MEGF11: variants seen among roughly 807,000 people sequenced by gnomAD.
The protein encoded by MEGF11 is multiple EGF like domains 11, also known as multiple epidermal growth factor-like domains protein 11.
A neutral mutation model predicts 146.6 loss-of-function variants in MEGF11; 126 were observed. The observed-to-expected ratio is 0.86, with a 90% CI of 0.74 to 1.00. MEGF11 has a LOEUF of 1.00. Ranked by LOEUF, MEGF11 falls within the 50% of genes least tolerant of loss-of-function variation. The pLI is 0.00. For missense variants in MEGF11, 1,509 were observed against 1,521.2 expected (o/e 0.99, Z 0.13); for synonymous variants, 532 against 583.4 (o/e 0.91, Z 1.27).
At chr15:65,914,899 A>G (rs933785934) in intron 19 of MEGF11, among the ~76,000 whole-genome samples, 1 of 152,196 alleles carries the variant, frequency 6.6e-6, no homozygotes, top group Non-Finnish European at 1.5e-5. Context: ...CTTATGGGCC[A>G]GGCACCCCGC....
intron 5 of MEGF11, among the ~76,000 whole-genome samples, chr15:66,066,216 G>C (rs1272529081): frequency 2.0e-5 from 3 of 152,152 alleles, no homozygotes; most frequent in African/African-American, 4.8e-5. Context: ...ATTTCCCTGA[G>C]GGCAGCAGCA....
At chr15:66,130,966 G>A (rs756647778) in intron 1 of MEGF11, among the ~76,000 whole-genome samples, 4 of 152,150 alleles carry the variant, frequency 2.6e-5, no homozygotes, top group African/African-American at 7.2e-5. Flanking sequence ...GAGTGACAGA[G>A]GTTAACATAT....
intron 15 of MEGF11, among the ~76,000 whole-genome samples, chr15:65,919,577 G>A (rs2079110610): frequency 6.6e-6 from 1 of 152,204 alleles, no homozygotes; most frequent in South Asian, 2.1e-4. Flanking sequence ...GTGTACACGT[G>A]GTGTTGGAAA....
At chr15:66,109,263 C>A (rs886650498) in intron 4 of MEGF11, among the ~76,000 whole-genome samples, 1 of 152,148 alleles carries the variant, frequency 6.6e-6, no homozygotes, top group African/African-American at 2.4e-5. Flanking sequence ...CTGCTGCCCC[C>A]AGAGCAACCA....
At chr15:66,033,359 T>C (rs35270975) in intron 5 of MEGF11, among the ~76,000 whole-genome samples, 4,560 of 152,236 alleles carry the variant, frequency 0.03, 80 homozygotes, top group East Asian at 0.039. Flanking sequence ...CAGGGTGCCC[T>C]CCACAGGCTC....
At chr15:66,051,324 A>G (rs1313223179) in intron 5 of MEGF11, among the ~76,000 whole-genome samples, 1 of 152,072 alleles carries the variant, frequency 6.6e-6, no homozygotes, top group Non-Finnish European at 1.5e-5. Context: ...CATTGCTTCC[A>G]TTTTCCATGC....
intron 19 of MEGF11, 135 bp from the exon 20 acceptor site, chr15:65,914,108 C>T: frequency 1.5e-6 from 1 of 658,776 alleles, no homozygotes; most frequent in Non-Finnish European, 2.6e-6. Flanking sequence ...TCCTGAGTCC[C>T]TATGTGACTA....
At chr15:65,907,276 T>C (rs2078657731) in intron 23 of MEGF11, among the ~76,000 whole-genome samples, 1 of 151,940 alleles carries the variant, frequency 6.6e-6, no homozygotes, top group African/African-American at 2.4e-5. Context: ...CAAGTTTTTC[T>C]TTTAAGTTTG....
intron 1 of MEGF11, among the ~76,000 whole-genome samples, chr15:66,175,748 C>T (rs1020787267): frequency 2.6e-5 from 4 of 152,134 alleles, no homozygotes; most frequent in Admixed American, 6.5e-5. Flanking sequence ...AATACTGCAG[C>T]ATATTGATCT....
At chr15:66,189,638 G>A (rs1243794147) in intron 1 of MEGF11, among the ~76,000 whole-genome samples, 1 of 152,162 alleles carries the variant, frequency 6.6e-6, no homozygotes, top group Admixed American at 6.5e-5. Flanking sequence ...TGCCTCTGCT[G>A]CTTCCCTGCT....
chr15:65,989,215 G>A (rs1260354999), intron 5 of MEGF11, among the ~76,000 whole-genome samples: 1 of 152,148 alleles, frequency 6.6e-6, no homozygotes, highest in Non-Finnish European at 1.5e-5. Context: ...TGGGAGAGAA[G>A]GTTAGTCCTT....
Position 66,128,312 on chromosome 15 carries a change from C to T in MEGF11, c.92G>A (p.Trp31Ter). ...NPEDPNVCSHWESYAVTVQES... is the reference protein window; with the variant it reads ...NPEDPNVCSH ...TCTGAGGCCCACACCTTACCTCTCC[C>T]AGTGGCTGCACACGTTGGGGTCCTC... Residue 31 changes from tryptophan to a stop codon, truncating the protein, a stop_gained, in exon 2 of 26, where the codon TGG becomes TAG. Transcript: ENST00000395614. LOFTEE classifies it high-confidence loss of function. 4 of 1,510,636 alleles carry T rather than the reference C, an allele frequency of 2.6e-6. No individual in the cohort carries two copies. The highest frequency in any genetic ancestry group is 3.5e-6 in the Non-Finnish European group (4 of 1,128,136). The allele number at this position is 1,510,636 out of a possible 1,614,324, so 93.6% of individuals were successfully genotyped here.
Position 65,897,193 on chromosome 15 carries a change from T to C in MEGF11, c.*741A>G, listed in dbSNP as rs939319086. 1 of 152,220 alleles carries C rather than the reference T, an allele frequency of 6.6e-6. No homozygotes were observed. Among genetic ancestry groups the C allele is most frequent in the Non-Finnish European group, 1.5e-5 (1 of 68,036 alleles). The allele number at this position is 152,220 out of a possible 1,614,324, so 9.4% of individuals were successfully genotyped here. ...GACTAACTTGTAATGTCCTTGAACT[T>C]TGAATTGGCAAAATTTGATAAAGCT... On this transcript the variant is annotated 3_prime_UTR_variant, in exon 26 of 26. Transcript: ENST00000395614.
intron 16 of MEGF11, 62 bp downstream of exon 16, chr15:65,917,904 A>G (rs909873124): frequency 1.8e-5 from 29 of 1,608,760 alleles, no homozygotes; most frequent in Middle Eastern, 1.6e-4. Context: ...GTTTTGGGCA[A>G]CAAAGGGAGA....
At chr15:66,223,250 T>C (rs560413854) in intron 1 of MEGF11, among the ~76,000 whole-genome samples, 2 of 152,210 alleles carry the variant, frequency 1.3e-5, no homozygotes, top group East Asian at 3.9e-4. Context: ...AAAGACCACA[T>C]ATTGTATGAT....
chr15:66,059,261 C>T (rs2084804111), intron 5 of MEGF11, among the ~76,000 whole-genome samples: 1 of 152,234 alleles, frequency 6.6e-6, no homozygotes, highest in South Asian at 2.1e-4. Context: ...AGGAAGTTCT[C>T]CACTAGCTCT....
chr15:66,039,014 G>A (rs903911488), intron 5 of MEGF11, among the ~76,000 whole-genome samples: 3 of 152,218 alleles, frequency 2.0e-5, no homozygotes, highest in Non-Finnish European at 4.4e-5. Context: ...AGCAGCACCA[G>A]CAGGACTGTC....
intron 1 of MEGF11, among the ~76,000 whole-genome samples, chr15:66,229,291 G>T (rs747090725): frequency 6.6e-6 from 1 of 151,782 alleles, no homozygotes; most frequent in African/African-American, 2.4e-5. Context: ...GCCCCAATGC[G>T]CACCAGGGCC....
chr15:66,027,003 T>C (rs2083351567), intron 5 of MEGF11, among the ~76,000 whole-genome samples: 1 of 152,216 alleles, frequency 6.6e-6, no homozygotes, highest in African/African-American at 2.4e-5. Flanking sequence ...CCACCTGCAG[T>C]GATGTCTTGG....
Sources: gnomAD v4.1 joint callset for allele counts (sites outside exome capture counted in the v4.1 genomes callset) on GRCh38, gnomAD v4.1.1 for gene constraint, MANE v1.5 for transcripts, NCBI Gene and HGNC (gene_info 2026-07-23, HGNC 2026-07-21) for gene names.